Variants in PARD3 observed in about 807,000 individuals in gnomAD.
PARD3 encodes the protein partitioning defective 3 homolog.
PARD3 carries 75 observed loss-of-function variants against 155.4 expected under a neutral mutation model. That is an observed-to-expected ratio of 0.48 (90% CI 0.40 to 0.58). The LOEUF (loss-of-function observed/expected upper bound fraction) is 0.58. PARD3 is among the 20% of genes least tolerant of loss of function. The pLI is 0.00. For missense variants in PARD3, 1,642 were observed against 1,721.7 expected (o/e 0.95, Z 0.82); for synonymous variants, 576 against 610.5 (o/e 0.94, Z 0.83).
intron 20 of PARD3, among the ~76,000 whole-genome samples, chr10:34,293,807 T>A (rs11009717): frequency 0.01 from 1,564 of 152,286 alleles, 20 homozygotes; most frequent in East Asian, 0.058. Context: ...GCAGCTCAAG[T>A]GATGAGAAGG....
At chr10:34,297,930 T>A (rs533386793) in intron 20 of PARD3, among the ~76,000 whole-genome samples, 7 of 152,306 alleles carry the variant, frequency 4.6e-5, no homozygotes, top group African/African-American at 1.7e-4. Context: ...GAGCTGAAGA[T>A]AAAAGACAGT....
chr10:34,341,047 A>C (rs1487295712), intron 16 of PARD3, among the ~76,000 whole-genome samples: 1 of 152,182 alleles, frequency 6.6e-6, no homozygotes, highest in African/African-American at 2.4e-5. Flanking sequence ...TTCATGAGCC[A>C]CACATTGGCT....
At chr10:34,713,837 G>A (rs1334457223) in intron 1 of PARD3, among the ~76,000 whole-genome samples, 1 of 152,116 alleles carries the variant, frequency 6.6e-6, no homozygotes, top group Non-Finnish European at 1.5e-5. Context: ...TCTCCAGGCA[G>A]AGATCTCCTG....
intron 3 of PARD3, among the ~76,000 whole-genome samples, chr10:34,493,420 T>C (rs1168739906): frequency 1.3e-5 from 2 of 152,106 alleles, no homozygotes; most frequent in Non-Finnish European, 2.9e-5. Flanking sequence ...GAGTTGATGG[T>C]TAAATAAAAT....
intron 22 of PARD3, among the ~76,000 whole-genome samples, chr10:34,174,429 T>C (rs1002016465): frequency 1.3e-5 from 2 of 152,176 alleles, no homozygotes; most frequent in Non-Finnish European, 2.9e-5. Flanking sequence ...ATTATGAAAC[T>C]GTATTCACTA....
chr10:34,527,502 G>C (rs999521675), intron 2 of PARD3, among the ~76,000 whole-genome samples: 3 of 152,138 alleles, frequency 2.0e-5, no homozygotes, highest in African/African-American at 7.2e-5. Context: ...AGTGGGGAGG[G>C]TAGATAGAGA....
chr10:34,468,974 TATTA>T (rs1406247086), intron 4 of PARD3, among the ~76,000 whole-genome samples: 7 of 152,236 alleles, frequency 4.6e-5, no homozygotes, highest in African/African-American at 7.2e-5. Flanking sequence ...AAAAAATGTT[TATTA>T]ATTCTTTCAA....
intron 5 of PARD3, among the ~76,000 whole-genome samples, chr10:34,441,755 TC>T (rs1269816180): frequency 3.3e-5 from 5 of 152,188 alleles, no homozygotes; most frequent in Non-Finnish European, 7.3e-5. Flanking sequence ...AAATAATGTG[TC>T]CCATACATAT....
intron 1 of PARD3, among the ~76,000 whole-genome samples, chr10:34,758,688 T>G (rs1001642781): frequency 2.0e-5 from 3 of 152,186 alleles, no homozygotes; most frequent in African/African-American, 7.2e-5. Context: ...AGCACTGAGT[T>G]TGGATTAATT....
At chr10:34,495,631 G>A (rs2080225368) in intron 3 of PARD3, among the ~76,000 whole-genome samples, 2 of 152,136 alleles carry the variant, frequency 1.3e-5, no homozygotes, top group African/African-American at 4.8e-5. Flanking sequence ...CAGGTATGGG[G>A]CAGAAAATAT....
chr10:34,191,093 A>G (rs918846248), intron 22 of PARD3, among the ~76,000 whole-genome samples: 1 of 152,096 alleles, frequency 6.6e-6, no homozygotes, highest in Admixed American at 6.6e-5. Flanking sequence ...TGTTTCATCA[A>G]CGGTGTGGAG....
chr10:34,785,445 T>A (rs1192973457), intron 1 of PARD3, among the ~76,000 whole-genome samples: 1 of 152,186 alleles, frequency 6.6e-6, no homozygotes, highest in African/African-American at 2.4e-5. Context: ...CATACTTTTT[T>A]TTTTTAGAAA....
In PARD3 at chr10:34,286,009, GACC is replaced by G. The variant is rs71523324; in HGVS notation, c.3066-1767_3066-1765del. Among the ~76,000 whole-genome samples, 616 of 152,220 alleles carry G rather than the reference GACC, an allele frequency of 4.0e-3. 2 individuals carry two copies. Among genetic ancestry groups the G allele is most frequent in the Non-Finnish European group, 6.6e-3 (450 of 68,008 alleles). ...TCTCCAGAACTGAAATCCAGAATCT[GACC>G]ACATTTCACAAGGTATAAAATACAT... On this transcript the variant is annotated intron_variant, in intron 20 of 24. Coordinates refer to ENST00000374788, the MANE Select transcript of PARD3 (RefSeq NM_001184785.2).
At chr10:34,216,813 G>C (rs1015158754) in intron 22 of PARD3, among the ~76,000 whole-genome samples, 9 of 152,156 alleles carry the variant, frequency 5.9e-5, no homozygotes, top group African/African-American at 2.2e-4. Context: ...AACTATAATG[G>C]TGATTTCCTT....
At chr10:34,345,402 T>C in intron 15 of PARD3, 1 of 985,318 alleles carries the variant, frequency 1.0e-6, no homozygotes, top group Non-Finnish European at 1.2e-6. Flanking sequence ...TAACATAAAA[T>C]TAATAACTCC....
intron 2 of PARD3, among the ~76,000 whole-genome samples, chr10:34,572,201 T>C (rs572915435): frequency 3.9e-5 from 6 of 152,296 alleles, no homozygotes; most frequent in South Asian, 4.2e-4. Context: ...TATTCCAAGA[T>C]TGTGACTTGA....
chr10:34,310,168 T>C (rs1206514456), intron 20 of PARD3, among the ~76,000 whole-genome samples: 2 of 152,212 alleles, frequency 1.3e-5, no homozygotes, highest in South Asian at 2.1e-4. Context: ...ATCTATTATA[T>C]TTAATGTAAA....
intron 22 of PARD3, among the ~76,000 whole-genome samples, chr10:34,244,540 AATGC>A (rs1354043391): frequency 2.6e-5 from 4 of 152,206 alleles, no homozygotes; most frequent in African/African-American, 9.7e-5. Flanking sequence ...CCAAGAAAAA[AATGC>A]AACGTTATCA....
At chr10:34,642,991 A>G (rs1397690613) in intron 2 of PARD3, among the ~76,000 whole-genome samples, 1 of 152,146 alleles carries the variant, frequency 6.6e-6, no homozygotes, top group Non-Finnish European at 1.5e-5. Flanking sequence ...CCATCAGAGA[A>G]AGTGGACTTG....
Sources: allele counts gnomAD v4.1 joint callset (sites outside exome capture counted in the v4.1 genomes callset), GRCh38; gene constraint gnomAD v4.1.1; transcripts MANE v1.5; gene names NCBI Gene and HGNC (gene_info 2026-07-23, HGNC 2026-07-21).